PTPRK: variants seen among roughly 807,000 people sequenced by gnomAD.
PTPRK encodes receptor-type tyrosine-protein phosphatase kappa.
Under a neutral mutation model 178.0 loss-of-function variants are expected in PTPRK, and 75 were observed. The ratio of observed to expected loss-of-function variants is 0.42; its 90% CI spans 0.35 to 0.51. PTPRK has a LOEUF of 0.51. Ranked by LOEUF, PTPRK falls within the 20% of genes least tolerant of loss-of-function variation. The pLI, the probability that PTPRK is intolerant of heterozygous loss-of-function variation, is 0.02. For missense variants in PTPRK, 1,441 were observed against 1,797.8 expected (o/e 0.80, Z 3.59); for synonymous variants, 637 against 620.6 (o/e 1.03, Z -0.39).
At chr6:128,220,865 G>C (rs148089056) in intron 5 of PTPRK, among the ~76,000 whole-genome samples, 145 of 152,282 alleles carry the variant, frequency 9.5e-4, no homozygotes, top group Middle Eastern at 3.4e-3. Flanking sequence ...GGAACTGTTA[G>C]TTCTCCAACA....
At chr6:128,410,550 C>T (rs972095596) in intron 1 of PTPRK, among the ~76,000 whole-genome samples, 1 of 152,166 alleles carries the variant, frequency 6.6e-6, no homozygotes, top group African/African-American at 2.4e-5. Flanking sequence ...CATTAAAAAT[C>T]ACTATGAATG....
At chr6:128,356,802 G>C (rs538555994) in intron 2 of PTPRK, among the ~76,000 whole-genome samples, 17 of 152,120 alleles carry the variant, frequency 1.1e-4, no homozygotes, top group Non-Finnish European at 2.5e-4. Context: ...ATAGGGGTCT[G>C]GAACTATTTT....
At chr6:128,377,715 A>C (rs1317846666) in intron 2 of PTPRK, among the ~76,000 whole-genome samples, 1 of 152,050 alleles carries the variant, frequency 6.6e-6, no homozygotes, top group Non-Finnish European at 1.5e-5. Flanking sequence ...ACCAACAAAA[A>C]AAAAAGAAAA....
At chr6:128,491,328 T>C (rs1257078344) in intron 1 of PTPRK, among the ~76,000 whole-genome samples, 1 of 152,228 alleles carries the variant, frequency 6.6e-6, no homozygotes, top group African/African-American at 2.4e-5. Flanking sequence ...GCTGATAACA[T>C]CTATCTCAAT....
chr6:128,332,148 T>C (rs1830361863), intron 2 of PTPRK, among the ~76,000 whole-genome samples: 3 of 152,160 alleles, frequency 2.0e-5, no homozygotes, highest in Admixed American at 2.0e-4. Flanking sequence ...TTTAATCCCC[T>C]TCCCCTACTA....
At chr6:128,042,891 TC>T (rs1777435250) in intron 13 of PTPRK, among the ~76,000 whole-genome samples, 1 of 152,038 alleles carries the variant, frequency 6.6e-6, no homozygotes, top group African/African-American at 2.4e-5. Context: ...GGAGATAATG[TC>T]ATTATCAAGT....
At chr6:127,971,006 A>G (rs1167187993) in intron 29 of PTPRK, among the ~76,000 whole-genome samples, 1 of 152,160 alleles carries the variant, frequency 6.6e-6, no homozygotes, top group Non-Finnish European at 1.5e-5. Context: ...TGCAATTTCA[A>G]GTTCTTAATT....
chr6:127,973,180 C>A, intron 28 of PTPRK, 23 bp from the exon 29 acceptor site: 1 of 1,613,250 alleles, frequency 6.2e-7, no homozygotes, highest in Non-Finnish European at 8.5e-7. Context: ...AAAGCAAAGG[C>A]ATTTTAGATA....
At chr6:128,269,145 G>A (rs1819397519) in intron 3 of PTPRK, among the ~76,000 whole-genome samples, 1 of 151,988 alleles carries the variant, frequency 6.6e-6, no homozygotes, top group Non-Finnish European at 1.5e-5. Flanking sequence ...TATGATAAGG[G>A]TTTAAGGGGC....
At chr6:128,310,332 G>A (rs370944562) in intron 3 of PTPRK, among the ~76,000 whole-genome samples, 3 of 151,976 alleles carry the variant, frequency 2.0e-5, no homozygotes, top group East Asian at 1.9e-4. Flanking sequence ...CTCAATATAC[G>A]GCATAACCTC....
At chr6:128,244,391 A>G (rs760584179) in intron 3 of PTPRK, among the ~76,000 whole-genome samples, 62 of 152,298 alleles carry the variant, frequency 4.1e-4, no homozygotes, top group Middle Eastern at 3.4e-3. Flanking sequence ...AAGAAGATAA[A>G]TAAGAGAAGA....
chr6:128,499,061 G>C (rs1440312200), intron 1 of PTPRK, among the ~76,000 whole-genome samples: 2 of 151,978 alleles, frequency 1.3e-5, no homozygotes, highest in Admixed American at 1.3e-4. Flanking sequence ...AGCTTTATTT[G>C]AAGACAAATG....
chr6:128,266,699 G>A (rs1375654539), intron 3 of PTPRK, among the ~76,000 whole-genome samples: 1 of 152,048 alleles, frequency 6.6e-6, no homozygotes, highest in Non-Finnish European at 1.5e-5. Context: ...CACACACAAT[G>A]CCAAAGGGAA....
At chr6:128,088,037 GGGAATACGT>G (rs1407748325) in intron 8 of PTPRK, among the ~76,000 whole-genome samples, 2 of 152,188 alleles carry the variant, frequency 1.3e-5, no homozygotes, top group Non-Finnish European at 2.9e-5. Context: ...AAGGGAACTT[GGGAATACGT>G]GGTTATAAAA....
At chr6:128,158,696 A>C (rs191440766) in intron 7 of PTPRK, among the ~76,000 whole-genome samples, 70 of 152,066 alleles carry the variant, frequency 4.6e-4, no homozygotes, top group African/African-American at 1.4e-3. Context: ...TAAAAACCAC[A>C]GGAAGCATTA....
intron 2 of PTPRK, among the ~76,000 whole-genome samples, chr6:128,384,007 A>G (rs1304927697): frequency 6.6e-6 from 1 of 152,238 alleles, no homozygotes; most frequent in Admixed American, 6.5e-5. Flanking sequence ...TTATACAGCT[A>G]TTATTGAATT....
At chr6:128,460,039 C>T (rs945308534) in intron 1 of PTPRK, among the ~76,000 whole-genome samples, 1 of 152,138 alleles carries the variant, frequency 6.6e-6, no homozygotes, top group Non-Finnish European at 1.5e-5. Flanking sequence ...GAGAACAGCA[C>T]TAGGGGGATG....
intron 7 of PTPRK, among the ~76,000 whole-genome samples, chr6:128,170,989 G>A (rs1800161258): frequency 6.6e-6 from 1 of 151,134 alleles, no homozygotes; most frequent in African/African-American, 2.4e-5. Flanking sequence ...AATAATAAAC[G>A]AATTACACAT....
chr6:128,194,044 T>C (rs1583422601), intron 6 of PTPRK, among the ~76,000 whole-genome samples: 1 of 144,430 alleles, frequency 6.9e-6, no homozygotes, highest in Non-Finnish European at 1.5e-5. Flanking sequence ...GAATGATAAA[T>C]CGCAATAATA....
Sources: gnomAD v4.1 joint callset for allele counts (sites outside exome capture counted in the v4.1 genomes callset) on GRCh38, gnomAD v4.1.1 for gene constraint, MANE v1.5 for transcripts, NCBI Gene and HGNC (gene_info 2026-07-23, HGNC 2026-07-21) for gene names.